Variants in CFTR observed in about 807,000 individuals in gnomAD.
CFTR encodes CF transmembrane conductance regulator, also known as cystic fibrosis transmembrane conductance regulator.
Under a neutral mutation model 171.6 loss-of-function variants are expected in CFTR, and 181 were observed. That is an observed-to-expected ratio of 1.05 (90% CI 0.93 to 1.19). CFTR has a LOEUF of 1.19. CFTR is among the 50% of genes most tolerant of loss of function. The pLI, the probability that CFTR is intolerant of heterozygous loss-of-function variation, is 0.00. For missense variants in CFTR, 1,968 were observed against 1,734.7 expected (o/e 1.13, Z -2.39); for synonymous variants, 583 against 608.0 (o/e 0.96, Z 0.60).
At position 117,559,509 on chromosome 7, in the gene CFTR, G is replaced by T. The variant is rs79282516; in HGVS notation, c.1438G>T (p.Gly480Cys). ...VIMGELEPSE[G>C]KIKHSGRISF... ...TATGGGAGAACTGGAGCCTTCAGAG[G>T]GTAAAATTAAGCACAGTGGAAGAAT... The change falls in exon 11 of 27, where the codon GGT becomes TGT. Residue 480 changes from glycine (G) to cysteine (C), a missense_variant. Coordinates refer to ENST00000003084, the MANE Select transcript of CFTR (RefSeq NM_000492.4). The T allele has an allele frequency of 1.2e-6, 2 of 1,611,732 alleles. No homozygotes were observed. The highest frequency in any genetic ancestry group is 2.7e-5 in the African/African-American group (2 of 74,770).
At chr7:117,606,826 G>C in intron 18 of CFTR, 73 bp downstream of exon 18, 1 of 925,008 alleles carries the variant, frequency 1.1e-6, no homozygotes, top group Admixed American at 1.7e-5. Flanking sequence ...ATGTGATTTT[G>C]TTTTCATTTT....
intron 3 of CFTR, 57 bp from the exon 4 acceptor site, chr7:117,530,842 A>T: frequency 8.5e-7 from 1 of 1,174,252 alleles, no homozygotes; most frequent in South Asian, 1.3e-5. Flanking sequence ...TGAAATTCTC[A>T]GGGTATTTTA....
intron 1 of CFTR, among the ~76,000 whole-genome samples, chr7:117,481,509 G>T (rs912154972): frequency 1.3e-5 from 2 of 152,000 alleles, no homozygotes; most frequent in Admixed American, 6.6e-5. Flanking sequence ...TGTCAAAGTG[G>T]GTTTTTATAT....
chr7:117,668,421 A>G lies in CFTR; in HGVS notation c.*1313A>G, dbSNP rs1259072726. On this transcript the variant is annotated 3_prime_UTR_variant, in exon 27 of 27. Transcript: ENST00000003084. ...CCTAGGGTGATATTAACCAGGGGCCATGAATCACCTTTTGGTCTGGAGGGA... is the reference window on the plus strand; with the variant it reads ...CCTAGGGTGATATTAACCAGGGGCCGTGAATCACCTTTTGGTCTGGAGGGA... 1 of 152,432 alleles carries G rather than the reference A, an allele frequency of 6.6e-6. No individual in the cohort carries two copies. The highest frequency in any genetic ancestry group is 2.4e-5 in the African/African-American group (1 of 41,438). The allele number at this position is 152,432 out of a possible 1,614,324, so 9.4% of individuals were successfully genotyped here.
Position 117,511,390 on chromosome 7 carries a change from T to TA in CFTR, c.273+2253dup, listed in dbSNP as rs532758057. On this transcript the variant is annotated intron_variant, in intron 3 of 26. Transcript: ENST00000003084. ...AAATTGTTCTTAAACTTCTCAAGCTTAAAAATATCCCAGCAAAAGAGATCG... is the reference window on the plus strand; with the variant it reads ...AAATTGTTCTTAAACTTCTCAAGCTTAAAAAATATCCCAGCAAAAGAGATCG... Among the ~76,000 whole-genome samples, 7 of 152,282 alleles carry TA rather than the reference T, an allele frequency of 4.6e-5. No homozygotes were observed. The East Asian group carries it at 1.3e-3, about 29-fold the overall frequency.
chr7:117,567,646 G>A (rs768973691), intron 11 of CFTR, among the ~76,000 whole-genome samples: 4 of 152,182 alleles, frequency 2.6e-5, no homozygotes, highest in Non-Finnish European at 4.4e-5. Flanking sequence ...AAGTATAACA[G>A]GAGTTCGTAT....
Position 117,665,370 on chromosome 7 carries a change from A to G in CFTR, c.4137-89A>G, listed in dbSNP as rs140881282. ...ACTTAAAGAAATAAGTAATTTAAAG[A>G]GATAATAGAACAATAGACATATTAT... On this transcript the variant is annotated intron_variant, in intron 25 of 26. Coordinates refer to ENST00000003084, the MANE Select transcript of CFTR (RefSeq NM_000492.4). The G allele has an allele frequency of 5.7e-4, 444 of 779,480 alleles. 2 individuals are homozygous for G. In the African/African-American group the frequency reaches 7.1e-3, roughly 12 times the overall value. 48.3% of individuals were successfully genotyped at this position (779,480 alleles called of 1,614,324 possible).
chr7:117,607,369 G>T (rs1005408478), intron 18 of CFTR, among the ~76,000 whole-genome samples: 2 of 152,182 alleles, frequency 1.3e-5, no homozygotes, highest in African/African-American at 4.8e-5. Flanking sequence ...TTGGGTTGGG[G>T]TGACTGATTG....
intron 1 of CFTR, among the ~76,000 whole-genome samples, chr7:117,492,271 T>C (rs1249651498): frequency 1.3e-5 from 2 of 152,006 alleles, no homozygotes; most frequent in Non-Finnish European, 2.9e-5. Context: ...GAAGAAACAT[T>C]ATTAAAGAAT....
chr7:117,547,141 G>A (rs760862040), intron 9 of CFTR, among the ~76,000 whole-genome samples: 2 of 152,110 alleles, frequency 1.3e-5, no homozygotes, highest in African/African-American at 2.4e-5. Context: ...TTCATTGTTA[G>A]CTACCCATAT....
Position 117,667,158 on chromosome 7 carries a change from C to G in CFTR, c.*50C>G. 1 of 1,515,732 alleles carries G rather than the reference C, an allele frequency of 6.6e-7. No homozygotes were observed. Among genetic ancestry groups the G allele is most frequent in the Non-Finnish European group, 9.1e-7 (1 of 1,095,856 alleles). 93.9% of individuals were successfully genotyped at this position (1,515,732 alleles called of 1,614,324 possible). On this transcript the variant is annotated 3_prime_UTR_variant, in exon 27 of 27. Coordinates refer to ENST00000003084, the MANE Select transcript of CFTR (RefSeq NM_000492.4). ...GACATTTGCTCATGGAATTGGAGCT[C>G]GTGGGACAGTCACCTCATGGAATTG...
chr7:117,494,877 A>T (rs1286845466), intron 1 of CFTR, among the ~76,000 whole-genome samples: 7 of 152,168 alleles, frequency 4.6e-5, no homozygotes. Flanking sequence ...CCTCTCAGCT[A>T]CGAATGGACA....
rs1488996808 is a variant in CFTR at position 117,610,615 on chromosome 7, T to A, written c.3085T>A (p.Leu1029Met). The A allele has an allele frequency of 6.2e-7, 1 of 1,613,694 alleles. No homozygotes were observed. The highest frequency in any genetic ancestry group is 8.5e-7 in the Non-Finnish European group (1 of 1,179,778). Residue 1029 changes from leucine (L) to methionine (M), a missense_variant, in exon 19 of 27, where the codon TTG (leucine) becomes ATG (methionine). Coordinates refer to ENST00000003084, the MANE Select transcript of CFTR (RefSeq NM_000492.4). Reference protein sequence around the residue: ...TVPVIVAFIMLRAYFLQTSQQ... With the variant: ...TVPVIVAFIMMRAYFLQTSQQ... ...GCCAGTGATAGTGGCTTTTATTATGTTGAGAGCATATTTCCTCCAAACCTC... is the reference window on the plus strand; with the variant it reads ...GCCAGTGATAGTGGCTTTTATTATGATGAGAGCATATTTCCTCCAAACCTC...
At chr7:117,586,298 C>G (rs1791933097) in intron 11 of CFTR, 1 of 152,122 alleles carries the variant, frequency 6.6e-6, no homozygotes, top group Non-Finnish European at 1.5e-5. Context: ...TTCTCATAAG[C>G]AGTGCTTATG....
intron 1 of CFTR, among the ~76,000 whole-genome samples, chr7:117,488,344 T>G (rs1233361213): frequency 6.6e-6 from 1 of 152,150 alleles, no homozygotes; most frequent in Non-Finnish European, 1.5e-5. Context: ...TAGAAAAAAT[T>G]TTAAGTCTTC....
chr7:117,658,984 A>C (rs1667145994), intron 24 of CFTR, among the ~76,000 whole-genome samples: 1 of 152,096 alleles, frequency 6.6e-6, no homozygotes. Flanking sequence ...GTGGCTTACC[A>C]GGTCCTTCAT....
intron 3 of CFTR, among the ~76,000 whole-genome samples, chr7:117,517,097 C>T (rs997497191): frequency 6.6e-6 from 1 of 152,030 alleles, no homozygotes; most frequent in Non-Finnish European, 1.5e-5. Context: ...AGGCAACTTA[C>T]GGAATGGGAG....
At chr7:117,524,368 GCCAAGTACAAACCCA>G (rs1027578998) in intron 3 of CFTR, among the ~76,000 whole-genome samples, 3 of 147,914 alleles carry the variant, frequency 2.0e-5, no homozygotes, top group African/African-American at 7.5e-5. Context: ...GAGCATTTTG[GCCAAGTACAAACCCA>G]CTAGTCATGA....
chr7:117,574,973 T>A (rs1791750325), intron 11 of CFTR, among the ~76,000 whole-genome samples: 1 of 152,156 alleles, frequency 6.6e-6, no homozygotes, highest in South Asian at 2.1e-4. Flanking sequence ...ACCCATAACG[T>A]GTCACATTTT....
Sources: gnomAD v4.1 joint callset for allele counts (sites outside exome capture counted in the v4.1 genomes callset) on GRCh38, gnomAD v4.1.1 for gene constraint, MANE v1.5 for transcripts, NCBI Gene and HGNC (gene_info 2026-07-23, HGNC 2026-07-21) for gene names.